CDH8: variants seen among roughly 807,000 people sequenced by gnomAD.
The protein encoded by CDH8 is cadherin 8.
Under a neutral mutation model 68.1 loss-of-function variants are expected in CDH8, and 17 were observed. The observed-to-expected ratio is 0.25, with a 90% CI of 0.17 to 0.37. The LOEUF is 0.37. CDH8 is among the 10% of genes least tolerant of loss of function. The probability of loss-of-function intolerance (pLI) is 1.00; values close to 1 mark genes in which losing one functional copy is unlikely to be tolerated. For synonymous variants in CDH8, 372 were observed against 365.1 expected (o/e 1.02, Z -0.21); for missense variants, 763 against 999.3 (o/e 0.76, Z 3.19).
At chr16:61,852,873 C>CCTTCCTTCCTTCCATT (rs1319989186) in intron 4 of CDH8, among the ~76,000 whole-genome samples, 76 of 135,098 alleles carry the variant, frequency 5.6e-4, no homozygotes, top group African/African-American at 2.3e-3. Flanking sequence ...TTCCTTCCTT[C>CCTTCCTTCCTTCCATT]CTTCCTTCCT....
intron 2 of CDH8, among the ~76,000 whole-genome samples, chr16:62,020,051 A>T (rs1473751267): frequency 6.6e-6 from 1 of 152,190 alleles, no homozygotes; most frequent in Non-Finnish European, 1.5e-5. Context: ...ATCCAAGTAG[A>T]ACCATATGAA....
intron 8 of CDH8, among the ~76,000 whole-genome samples, chr16:61,739,344 A>G (rs1187122908): frequency 6.6e-6 from 1 of 152,146 alleles, no homozygotes; most frequent in South Asian, 2.1e-4. Context: ...ACCCCAGTAC[A>G]TGCCCATGCA....
chr16:61,875,543 C>T (rs968221701), intron 3 of CDH8, among the ~76,000 whole-genome samples: 3 of 152,118 alleles, frequency 2.0e-5, no homozygotes, highest in East Asian at 1.9e-4. Context: ...AAAGAAGCCA[C>T]GAATATAATG....
intron 1 of CDH8, among the ~76,000 whole-genome samples, chr16:62,024,274 T>A (rs532777920): frequency 7.2e-5 from 11 of 152,090 alleles, no homozygotes; most frequent in Non-Finnish European, 1.3e-4. Context: ...TTAACAACAA[T>A]AGCAATGAAA....
intron 2 of CDH8, among the ~76,000 whole-genome samples, chr16:61,958,857 G>A (rs1198432175): frequency 6.6e-6 from 1 of 151,994 alleles, no homozygotes; most frequent in East Asian, 1.9e-4. Flanking sequence ...GACACAGGAG[G>A]CTCTCCCTGA....
At chr16:62,005,011 T>C (rs2150599544) in intron 2 of CDH8, among the ~76,000 whole-genome samples, 1 of 152,326 alleles carries the variant, frequency 6.6e-6, no homozygotes, top group East Asian at 1.9e-4. Context: ...GTAAGAACGC[T>C]TTCTTCTGCT....
At chr16:61,942,447 T>C (rs2143543868) in intron 2 of CDH8, among the ~76,000 whole-genome samples, 1 of 152,302 alleles carries the variant, frequency 6.6e-6, no homozygotes, top group East Asian at 1.9e-4. Flanking sequence ...CAGTGAGCTG[T>C]AATCCTACAT....
chr16:61,964,825 T>C (rs909632197), intron 2 of CDH8, among the ~76,000 whole-genome samples: 8 of 152,162 alleles, frequency 5.3e-5, no homozygotes, highest in African/African-American at 1.9e-4. Context: ...TTGTAGAGAA[T>C]AGATTGATTT....
chr16:61,780,806 G>T (rs371145366), intron 8 of CDH8, among the ~76,000 whole-genome samples: 3 of 152,198 alleles, frequency 2.0e-5, no homozygotes, highest in Non-Finnish European at 4.4e-5. Flanking sequence ...ATTTCTCTGT[G>T]ATCTTATGAT....
Position 61,650,833 on chromosome 16 carries a change from A to G in CDH8, c.*2775T>C, listed in dbSNP as rs1268376169. 1 of 152,072 alleles carries G rather than the reference A, an allele frequency of 6.6e-6. No homozygotes were observed. The highest frequency in any genetic ancestry group is 1.5e-5 in the Non-Finnish European group (1 of 68,016). The allele number at this position is 152,072 out of a possible 1,614,324, so 9.4% of individuals were successfully genotyped here. On this transcript the variant is annotated 3_prime_UTR_variant, in exon 12 of 12. Transcript: ENST00000577390. The stretch of plus-strand genomic sequence containing the variant: ...TTAGGATCAAGGTATTAGTCACTTT[A>G]TTCTATGTTACAAGACCTGAAATAG...
intron 2 of CDH8, among the ~76,000 whole-genome samples, chr16:61,909,835 T>G (rs1050598132): frequency 2.0e-5 from 3 of 152,158 alleles, no homozygotes; most frequent in Admixed American, 6.5e-5. Context: ...AAAACTCAGC[T>G]AATAGAAGTG....
chr16:61,893,433 T>TGC (rs1963813734), intron 3 of CDH8, among the ~76,000 whole-genome samples: 1 of 151,966 alleles, frequency 6.6e-6, no homozygotes, highest in Non-Finnish European at 1.5e-5. Context: ...TGTGTGTGTG[T>TGC]GTGTGTGTGT....
chr16:61,782,213 C>A (rs1352209983), intron 8 of CDH8, among the ~76,000 whole-genome samples: 1 of 152,234 alleles, frequency 6.6e-6, no homozygotes, highest in South Asian at 2.1e-4. Context: ...AGACAGTGGG[C>A]GCAGGCCAGT....
At chr16:62,026,816 T>C (rs1038750528) in intron 1 of CDH8, among the ~76,000 whole-genome samples, 1 of 152,224 alleles carries the variant, frequency 6.6e-6, no homozygotes, top group African/African-American at 2.4e-5. Context: ...ATTTGTATGC[T>C]TGTACCTCTG....
chr16:61,798,905 T>C (rs1471504240), intron 7 of CDH8, among the ~76,000 whole-genome samples: 2 of 152,242 alleles, frequency 1.3e-5, no homozygotes, highest in African/African-American at 4.8e-5. Flanking sequence ...ATCAGAAATG[T>C]TCACATAAAT....
At chr16:61,770,058 C>G (rs1194361199) in intron 8 of CDH8, among the ~76,000 whole-genome samples, 2 of 151,834 alleles carry the variant, frequency 1.3e-5, no homozygotes, top group African/African-American at 4.8e-5. Flanking sequence ...TGGATTCAAA[C>G]CTCCCTTTAT....
intron 2 of CDH8, among the ~76,000 whole-genome samples, chr16:61,972,837 A>G (rs1965367528): frequency 6.6e-6 from 1 of 152,150 alleles, no homozygotes; most frequent in Non-Finnish European, 1.5e-5. Context: ...GGTTCTTAAA[A>G]GAAGCAGTCT....
At chr16:61,984,833 G>T (rs564016402) in intron 2 of CDH8, among the ~76,000 whole-genome samples, 1 of 152,084 alleles carries the variant, frequency 6.6e-6, no homozygotes, top group Admixed American at 6.5e-5. Flanking sequence ...GCATGAACTT[G>T]ATTTTTTGCG....
intron 2 of CDH8, among the ~76,000 whole-genome samples, chr16:61,943,958 T>C (rs1344443767): frequency 3.3e-5 from 5 of 152,154 alleles, no homozygotes; most frequent in Admixed American, 3.3e-4. Flanking sequence ...GGAAGAAAAC[T>C]CTCAAGTAGA....
Sources: allele counts gnomAD v4.1 joint callset (sites outside exome capture counted in the v4.1 genomes callset), GRCh38; gene constraint gnomAD v4.1.1; transcripts MANE v1.5; gene names NCBI Gene and HGNC (gene_info 2026-07-23, HGNC 2026-07-21).